The following AP1M2 variants were observed in gnomAD, a reference collection of about 807,000 sequenced individuals.
The protein encoded by AP1M2 is adaptor related protein complex 1 subunit mu 2.
A neutral mutation model predicts 54.6 loss-of-function variants in AP1M2; 41 were observed. That is an observed-to-expected ratio of 0.75 (90% CI 0.59 to 0.97). AP1M2 has a LOEUF of 0.97. Ranked by LOEUF, AP1M2 falls within the 50% of genes least tolerant of loss-of-function variation. The probability of loss-of-function intolerance (pLI) is 0.00; values close to 1 mark genes in which losing one functional copy is unlikely to be tolerated. For synonymous variants in AP1M2, 219 were observed against 215.9 expected, an observed-to-expected ratio of 1.01 and a Z score of -0.13; for missense variants, 507 against 561.2, an observed-to-expected ratio of 0.90 and a Z score of 0.98.
At chr19:10,579,624 G>A in intron 7 of AP1M2, 92 bp downstream of exon 7, 1 of 1,408,514 alleles carries the variant, frequency 7.1e-7, no homozygotes, top group Non-Finnish European at 9.5e-7. Flanking sequence ...AAATTGTTGG[G>A]ATTACAGGCG....
intron 1 of AP1M2, among the ~76,000 whole-genome samples, chr19:10,585,392 G>C (rs1208009476): frequency 1.3e-5 from 2 of 152,094 alleles, no homozygotes; most frequent in East Asian, 3.8e-4. Flanking sequence ...TAGTCAGGAA[G>C]ACACCCATAA....
Position 10,577,609 on chromosome 19 carries a change from G to A in AP1M2, c.889-253C>T, listed in dbSNP as rs371617231. 4.6e-3 allele frequency among the ~76,000 whole-genome samples: 695 copies of A among 149,858 alleles called. 4 individuals are homozygous for A. The highest frequency in any genetic ancestry group is 0.016 in the African/African-American group (669 of 40,754). The stretch of plus-strand genomic sequence containing the variant: ...CCAGCACGCCCAGCTAATTTTTTTT[G>A]TATTCTTAGTAGAGACGGGGTTTCA... On this transcript the variant is annotated intron_variant, in intron 8 of 11. Transcript: ENST00000250244.
chr19:10,573,786 T>A (rs1917137406), intron 11 of AP1M2, among the ~76,000 whole-genome samples: 1 of 147,846 alleles, frequency 6.8e-6, no homozygotes. Context: ...CTCAGCCTCC[T>A]GAGTTGCTGG....
chr19:10,575,759 CT>C (rs1008650658), intron 9 of AP1M2, among the ~76,000 whole-genome samples: 14 of 124,198 alleles, frequency 1.1e-4, no homozygotes, highest in African/African-American at 2.8e-4. Context: ...CTTTTTTTTT[CT>C]TTTTTTTTCT....
chr19:10,581,648 G>A lies in AP1M2; in HGVS notation c.399-14C>T, dbSNP rs201917850. The A allele has an allele frequency of 1.0e-3, 1,678 of 1,613,582 alleles. 5 individuals carry two copies. The highest frequency in any genetic ancestry group is 1.3e-3 in the Non-Finnish European group (1,550 of 1,179,752). ...TGAGTGATGTACCTGGAGGGAGGGC[G>A]GCAGGGACAAGCAGCTGGACCCAGG... On this transcript the variant is annotated splice_polypyrimidine_tract_variant and intron_variant, in intron 4 of 11. Coordinates refer to ENST00000250244, the MANE Select transcript of AP1M2 (RefSeq NM_005498.5).
intron 8 of AP1M2, among the ~76,000 whole-genome samples, chr19:10,577,654 C>T (rs1016084304): frequency 6.7e-6 from 1 of 150,098 alleles, no homozygotes; most frequent in Non-Finnish European, 1.5e-5. Flanking sequence ...CCAGGATGTT[C>T]TCGATCTCCT....
Position 10,580,221 on chromosome 19 carries a change from T to C in AP1M2, c.674-363A>G, listed in dbSNP as rs576823022. Reference sequence around the variant, plus strand: ...AATGTGCTACCACCCCCGGCTAATTTTGTATTTTTAGTAGAGACGGGGTTT... The same window carrying C: ...AATGTGCTACCACCCCCGGCTAATTCTGTATTTTTAGTAGAGACGGGGTTT... On this transcript the variant is annotated intron_variant, in intron 6 of 11. Transcript: ENST00000250244. Among the ~76,000 whole-genome samples, 78 of 152,170 alleles carry C rather than the reference T, an allele frequency of 5.1e-4. 1 individual carries two copies. Among genetic ancestry groups the C allele is most frequent in the Admixed American group, 1.2e-3 (18 of 15,276 alleles).
chr19:10,580,763 G>A (rs1165212546), intron 6 of AP1M2, among the ~76,000 whole-genome samples: 1 of 151,982 alleles, frequency 6.6e-6, no homozygotes, highest in African/African-American at 2.4e-5. Context: ...CAGGAGTTTA[G>A]ACCAGACTGG....
rs1267674957 is a variant in AP1M2 at position 10,574,408 on chromosome 19, C to T, written c.1249+9G>A. 6.5e-7 allele frequency: 1 copy of T among 1,547,604 alleles called. No homozygotes were observed. Among genetic ancestry groups the T allele is most frequent in the Admixed American group, 2.0e-5 (1 of 50,390 alleles). The stretch of plus-strand genomic sequence containing the variant: ...CACCCCATTGTCCCCAGGAGCTGGG[C>T]TGCCTTACCGCCACTCTGGGTGATG... On this transcript the variant is annotated intron_variant, in intron 11 of 11. Transcript: ENST00000250244.
At position 10,581,337 on chromosome 19, in the gene AP1M2, T is replaced by C. The variant is rs1479454215; in HGVS notation, c.602A>G (p.Lys201Arg). 6.2e-7 allele frequency: 1 copy of C among 1,613,876 alleles called. No individual in the cohort carries two copies. Among genetic ancestry groups the C allele is most frequent in the Non-Finnish European group, 8.5e-7 (1 of 1,179,786 alleles). ...LSEIVGTIKL[K>R]VFLSGMPELR... ...CTCTGGCATTCCTGACAGAAACACC[T>C]TGAGCTTGATGGTACCGACGATTTC... The change falls in exon 6 of 12, where the codon AAG becomes AGG. Residue 201 changes from lysine (K) to arginine (R), a missense_variant. Lys to Arg is a conservative substitution (Grantham distance 26). Coordinates refer to ENST00000250244, the MANE Select transcript of AP1M2 (RefSeq NM_005498.5).
intron 1 of AP1M2, among the ~76,000 whole-genome samples, chr19:10,585,291 G>A (rs1156853282): frequency 1.1e-4 from 9 of 82,008 alleles, no homozygotes; most frequent in African/African-American, 2.7e-4. Flanking sequence ...AAAAAAGAAA[G>A]AAAGAAAGAA....
Position 10,581,314 on chromosome 19 carries a change from C to T in AP1M2, c.625G>A (p.Glu209Lys). The change falls in exon 6 of 12, where the codon GAG (glutamate) becomes AAG (lysine). Residue 209 changes from glutamate (E) to lysine (K), a missense_variant. Coordinates refer to ENST00000250244, the MANE Select transcript of AP1M2 (RefSeq NM_005498.5). ...KLKVFLSGMP[E>K]LRLGLNDRVL... is the part of the protein sequence containing the mutation. ...CGGTCATTGAGGCCCAGCCGCAGCTCTGGCATTCCTGACAGAAACACCTTG... is the reference window on the plus strand; with the variant it reads ...CGGTCATTGAGGCCCAGCCGCAGCTTTGGCATTCCTGACAGAAACACCTTG... The T allele has an allele frequency of 6.2e-7, 1 of 1,613,930 alleles. No individual in the cohort carries two copies. The highest frequency in any genetic ancestry group is 1.7e-5 in the Admixed American group (1 of 60,014).
chr19:10,579,135 G>A (rs1005117895), intron 7 of AP1M2, among the ~76,000 whole-genome samples, 172 bp from the exon 8 acceptor site: 5 of 150,916 alleles, frequency 3.3e-5, no homozygotes, highest in African/African-American at 4.9e-5. Context: ...AGCAATTCTC[G>A]GCCGGGAGCG....
chr19:10,576,472 C>A (rs1568429944), intron 9 of AP1M2, among the ~76,000 whole-genome samples: 1 of 151,932 alleles, frequency 6.6e-6, no homozygotes, highest in Non-Finnish European at 1.5e-5. Context: ...CCATGTTAGC[C>A]AGGATGGTCT....
chr19:10,579,002 T>A, intron 7 of AP1M2, 39 bp from the exon 8 acceptor site: 5 of 1,339,844 alleles, frequency 3.7e-6, no homozygotes, highest in Non-Finnish European at 5.1e-6. Context: ...GGAGACTCCA[T>A]GTTGACTCTC....
intron 2 of AP1M2, 110 bp from the exon 3 acceptor site, chr19:10,583,783 TGCCCCCCA>T (rs1162742364): frequency 6.7e-7 from 1 of 1,485,106 alleles, no homozygotes; most frequent in Admixed American, 1.9e-5. Context: ...TACCTGCCCC[TGCCCCCCA>T]GCCTAAGCCA....
intron 9 of AP1M2, among the ~76,000 whole-genome samples, chr19:10,576,065 C>T (rs1305796442): frequency 2.0e-5 from 3 of 147,442 alleles, no homozygotes; most frequent in Non-Finnish European, 4.5e-5. Flanking sequence ...TGAGCCACTG[C>T]GCCTGGCCTT....
chr19:10,577,339 C>G lies in AP1M2; in HGVS notation c.906G>C (p.Lys302Asn). The change falls in exon 9 of 12, where the codon AAG becomes AAC. Residue 302 changes from lysine (K) to asparagine (N), a missense_variant. By Grantham distance (94) the Lys-to-Asn change is moderately conservative (BLOSUM62 0). Coordinates refer to ENST00000250244, the MANE Select transcript of AP1M2 (RefSeq NM_005498.5). The part of the protein sequence containing the change: ...EIMVKAKGQF[K>N]KQSVANGVEI... Reference sequence around the variant, plus strand: ...CCACACCGTTGGCCACTGACTGTTTCTTAAACTGCCCCTTGGCCTGTCAGG... The same window carrying G: ...CCACACCGTTGGCCACTGACTGTTTGTTAAACTGCCCCTTGGCCTGTCAGG... 6.3e-7 allele frequency: 1 copy of G among 1,576,196 alleles called. No homozygotes were observed. The highest frequency in any genetic ancestry group is 8.7e-7 in the Non-Finnish European group (1 of 1,156,040).
intron 8 of AP1M2, among the ~76,000 whole-genome samples, chr19:10,577,600 AT>A (rs901902989): frequency 6.7e-6 from 1 of 150,300 alleles, no homozygotes; most frequent in Non-Finnish European, 1.5e-5. Flanking sequence ...CGCCCAGCTA[AT>A]TTTTTTTGTA....
Sources: gnomAD v4.1 joint callset for allele counts (sites outside exome capture counted in the v4.1 genomes callset) on GRCh38, gnomAD v4.1.1 for gene constraint, MANE v1.5 for transcripts, NCBI Gene and HGNC (gene_info 2026-07-23, HGNC 2026-07-21) for gene names.